The following GAN variants were observed in gnomAD, a reference collection of about 807,000 sequenced individuals.
The protein encoded by GAN is epididymis secretory sperm binding protein.
Under a neutral mutation model 71.3 loss-of-function variants are expected in GAN, and 48 were observed. The observed-to-expected ratio is 0.67, with a 90% confidence interval of 0.53 to 0.86. GAN has a LOEUF of 0.86. Among genes scored for constraint, GAN ranks in the 40% least tolerant of loss-of-function variants. GAN has a pLI of 0.00. For synonymous variants in GAN, 386 were observed against 276.8 expected (o/e 1.39, Z -3.92); for missense variants, 928 against 770.1 (o/e 1.21, Z -2.43).
At chr16:81,336,473 A>G (rs1185565903) in intron 1 of GAN, among the ~76,000 whole-genome samples, 2 of 151,916 alleles carry the variant, frequency 1.3e-5, no homozygotes, top group African/African-American at 2.4e-5. Flanking sequence ...TTATGTATTT[A>G]TTTATTTTGA....
chr16:81,345,000 A>G (rs930670823), intron 1 of GAN, among the ~76,000 whole-genome samples: 2 of 152,260 alleles, frequency 1.3e-5, no homozygotes, highest in African/African-American at 4.8e-5. Flanking sequence ...ACATGAAAAA[A>G]TGCTCATCAT....
At chr16:81,358,452 C>A (rs916976914) in intron 5 of GAN, among the ~76,000 whole-genome samples, 3 of 151,516 alleles carry the variant, frequency 2.0e-5, no homozygotes, top group Non-Finnish European at 4.4e-5. Context: ...TACTAAAAAT[C>A]AAAAAAATTA....
intron 9 of GAN, among the ~76,000 whole-genome samples, chr16:81,367,490 C>T (rs1298052086): frequency 6.6e-6 from 1 of 152,146 alleles, no homozygotes; most frequent in Non-Finnish European, 1.5e-5. Context: ...GATTGTGTCA[C>T]TGCACTCCAG....
At chr16:81,352,468 G>T (rs931346482) in intron 2 of GAN, among the ~76,000 whole-genome samples, 4 of 152,150 alleles carry the variant, frequency 2.6e-5, no homozygotes, top group Non-Finnish European at 4.4e-5. Context: ...GAAGGAAGAG[G>T]TCAGTGCATC....
chr16:81,348,215 A>G (rs111935759), intron 1 of GAN, among the ~76,000 whole-genome samples: 7 of 152,128 alleles, frequency 4.6e-5, no homozygotes, highest in African/African-American at 1.7e-4. Flanking sequence ...TTGACCCTAC[A>G]TTTAAAAAAA....
chr16:81,353,457 C>A (rs1478275142), intron 2 of GAN, among the ~76,000 whole-genome samples: 1 of 152,138 alleles, frequency 6.6e-6, no homozygotes, highest in Non-Finnish European at 1.5e-5. Flanking sequence ...ATAAATGGAA[C>A]ATTTTCCCCT....
At chr16:81,340,014 C>T (rs1909888877) in intron 1 of GAN, among the ~76,000 whole-genome samples, 1 of 152,184 alleles carries the variant, frequency 6.6e-6, no homozygotes, top group South Asian at 2.1e-4. Context: ...GGTCCATGCT[C>T]GTATTTCAGG....
In GAN at chr16:81,379,907, A is replaced by G. The variant is rs1045537965; in HGVS notation, c.*2311A>G. Reference sequence around the variant, plus strand: ...GCATGACTTGGTAAATTCATTTTATAAAAATAGTGTTTTTTTTTTTTAATT... The same window carrying G: ...GCATGACTTGGTAAATTCATTTTATGAAAATAGTGTTTTTTTTTTTTAATT... On this transcript the variant is annotated 3_prime_UTR_variant, in exon 11 of 11. Coordinates refer to ENST00000648994, the MANE Select transcript of GAN (RefSeq NM_022041.4). 6.6e-6 allele frequency: 1 copy of G among 151,414 alleles called. No individual in the cohort carries two copies. The highest frequency in any genetic ancestry group is 1.5e-5 in the Non-Finnish European group (1 of 67,954). 9.4% of individuals were successfully genotyped at this position (151,414 alleles called of 1,614,324 possible). A position where few individuals can be genotyped will look rare whatever the true frequency, so the allele number is the denominator to read the frequency against.
At chr16:81,328,428 T>G (rs904752578) in intron 1 of GAN, among the ~76,000 whole-genome samples, 1 of 152,236 alleles carries the variant, frequency 6.6e-6, no homozygotes. Flanking sequence ...GAAATGTCAT[T>G]CTCTTTGCCA....
At chr16:81,342,991 T>C (rs746128720) in intron 1 of GAN, among the ~76,000 whole-genome samples, 3 of 152,240 alleles carry the variant, frequency 2.0e-5, no homozygotes, top group Non-Finnish European at 4.4e-5. Flanking sequence ...CAGAGAATAC[T>C]ATGAACACCT....
intron 1 of GAN, among the ~76,000 whole-genome samples, chr16:81,318,894 C>T (rs1909132505): frequency 6.6e-6 from 1 of 152,190 alleles, no homozygotes; most frequent in African/African-American, 2.4e-5. Flanking sequence ...GCAGGACCTC[C>T]TGCGGTCCCT....
chr16:81,363,679 C>A, intron 6 of GAN, 115 bp from the exon 7 acceptor site: 2 of 1,005,258 alleles, frequency 2.0e-6, no homozygotes, highest in Non-Finnish European at 3.1e-6. Context: ...CTAGGAGTCC[C>A]CATTGTCTAT....
chr16:81,336,046 T>C (rs2150675065), intron 1 of GAN, among the ~76,000 whole-genome samples: 2 of 152,186 alleles, frequency 1.3e-5, no homozygotes, highest in Middle Eastern at 3.4e-3. Context: ...TCCTGTGTCT[T>C]GTTGCTGTCT....
chr16:81,376,717 C>G (rs538218747), intron 9 of GAN, among the ~76,000 whole-genome samples: 36 of 151,930 alleles, frequency 2.4e-4, no homozygotes, highest in African/African-American at 7.5e-4. Flanking sequence ...TACACACACA[C>G]ACACACAGGA....
At chr16:81,376,513 G>GTGTA (rs1555512687) in intron 9 of GAN, among the ~76,000 whole-genome samples, 8 of 134,606 alleles carry the variant, frequency 5.9e-5, no homozygotes, top group African/African-American at 2.1e-4. Context: ...GTGTGTGTAT[G>GTGTA]TGTGTGTGTA....
At chr16:81,336,865 C>T (rs1366890354) in intron 1 of GAN, among the ~76,000 whole-genome samples, 1 of 152,106 alleles carries the variant, frequency 6.6e-6, no homozygotes, top group East Asian at 1.9e-4. Flanking sequence ...TACCCATGCA[C>T]AGCCTCCCCC....
At chr16:81,317,446 T>TA (rs1909080787) in intron 1 of GAN, among the ~76,000 whole-genome samples, 1 of 152,224 alleles carries the variant, frequency 6.6e-6, no homozygotes, top group Non-Finnish European at 1.5e-5. Context: ...GAATGAGGGA[T>TA]AAAAATGAGT....
At chr16:81,329,792 C>T (rs2085141932) in intron 1 of GAN, among the ~76,000 whole-genome samples, 1 of 152,134 alleles carries the variant, frequency 6.6e-6, no homozygotes, top group African/African-American at 2.4e-5. Flanking sequence ...AGATTCCATT[C>T]TCACCCTGCA....
chr16:81,375,975 A>G (rs906576228), intron 9 of GAN, among the ~76,000 whole-genome samples: 10 of 73,924 alleles, frequency 1.4e-4, no homozygotes, highest in Middle Eastern at 6.7e-3. Flanking sequence ...CCCTGTCTCA[A>G]AAAAAAAAAA....
Sources: allele counts gnomAD v4.1 joint callset (sites outside exome capture counted in the v4.1 genomes callset), GRCh38; gene constraint gnomAD v4.1.1; transcripts MANE v1.5; gene names NCBI Gene and HGNC (gene_info 2026-07-23, HGNC 2026-07-21).